SNTG1: variants seen among roughly 807,000 people sequenced by gnomAD.
The protein encoded by SNTG1 is syntrophin gamma 1.
SNTG1 carries 39 observed loss-of-function variants against 74.7 expected under a neutral mutation model. The observed-to-expected ratio is 0.52, with a 90% CI of 0.40 to 0.68. SNTG1 has a LOEUF of 0.68. SNTG1 is among the 30% of genes least tolerant of loss of function. The probability of loss-of-function intolerance (pLI) is 0.00; values close to 1 mark genes in which losing one functional copy is unlikely to be tolerated. For missense variants in SNTG1, 685 were observed against 609.5 expected (o/e 1.12, Z -1.30); for synonymous variants, 254 against 217.1 (o/e 1.17, Z -1.49).
chr8:50,374,594 T>C (rs1476905831), intron 2 of SNTG1, among the ~76,000 whole-genome samples: 1 of 152,200 alleles, frequency 6.6e-6, no homozygotes. Context: ...AGTAATTAGT[T>C]AGCTTGGTGG....
chr8:50,122,343 T>G (rs77589488), intron 1 of SNTG1, among the ~76,000 whole-genome samples: 12,989 of 141,386 alleles, frequency 0.092, 2,421 homozygotes, highest in Middle Eastern at 0.16. Context: ...GGAGAGGGGA[T>G]GCAGCTGGGA....
chr8:50,439,157 G>A (rs971781389), intron 5 of SNTG1, among the ~76,000 whole-genome samples: 1 of 151,902 alleles, frequency 6.6e-6, no homozygotes, highest in Non-Finnish European at 1.5e-5. Flanking sequence ...CCTTTATTTT[G>A]TATATTATTG....
chr8:49,920,095 A>T (rs999263579), intron 1 of SNTG1, among the ~76,000 whole-genome samples: 5 of 152,076 alleles, frequency 3.3e-5, no homozygotes, highest in African/African-American at 1.2e-4. Flanking sequence ...AAATATGTCC[A>T]TTATCTACCT....
chr8:50,601,534 AGCT>A lies in SNTG1; in HGVS notation c.849+10619_849+10621del, dbSNP rs375235259. 4.4e-4 allele frequency among the ~76,000 whole-genome samples: 67 copies of A among 152,284 alleles called. No homozygotes were observed. In the East Asian group the frequency reaches 0.012, roughly 26 times the overall value. On this transcript the variant is annotated intron_variant, in intron 13 of 18. Transcript: ENST00000642720. ...TCAGTATTTTCAGACATGTTTTGTT[AGCT>A]GACATATGGTATCTCCTTTAGAATA...
chr8:50,367,157 A>G (rs1268612108), intron 2 of SNTG1, among the ~76,000 whole-genome samples: 3 of 151,824 alleles, frequency 2.0e-5, no homozygotes, highest in South Asian at 2.1e-4. Context: ...CATTTATATA[A>G]TAGAGTGTTG....
chr8:50,231,997 AT>A (rs1471004101), intron 2 of SNTG1, among the ~76,000 whole-genome samples: 3 of 151,414 alleles, frequency 2.0e-5, no homozygotes, highest in Admixed American at 1.3e-4. Context: ...ACTATAATTT[AT>A]CAAAATATTA....
chr8:50,752,824 A>G (rs2095571060), intron 18 of SNTG1, among the ~76,000 whole-genome samples: 1 of 151,966 alleles, frequency 6.6e-6, no homozygotes, highest in South Asian at 2.1e-4. Context: ...CTATGTTTAG[A>G]TTAGACACTC....
chr8:50,258,002 A>G (rs945404842), intron 2 of SNTG1, among the ~76,000 whole-genome samples: 2 of 152,238 alleles, frequency 1.3e-5, no homozygotes, highest in African/African-American at 4.8e-5. Flanking sequence ...AGCCACATCC[A>G]TTACTTTGTC....
At position 50,707,378 on chromosome 8, in the gene SNTG1, C is replaced by A. The variant is rs193221712; in HGVS notation, c.1192-1508C>A. Among the ~76,000 whole-genome samples, 564 of 152,046 alleles carry A rather than the reference C, an allele frequency of 3.7e-3. 1 individual carries two copies. Among genetic ancestry groups the A allele is most frequent in the Non-Finnish European group, 7.0e-3 (474 of 67,940 alleles). On this transcript the variant is annotated intron_variant, in intron 16 of 18. Coordinates refer to ENST00000642720, the MANE Select transcript of SNTG1 (RefSeq NM_018967.5). ...GTGCTAATAGGTGGATGTAAGCATGCACAATGCTTATGTATTAAACAAATA... is the reference window on the plus strand; with the variant it reads ...GTGCTAATAGGTGGATGTAAGCATGAACAATGCTTATGTATTAAACAAATA...
At position 50,793,032 on chromosome 8, in the gene SNTG1, A is replaced by G. The variant is rs560752587; in HGVS notation, c.*203A>G. The G allele has an allele frequency of 5.1e-4, 215 of 421,998 alleles. 3 individuals are homozygous for G. The highest frequency in any genetic ancestry group is 4.9e-5 in the Non-Finnish European group (12 of 244,724). The allele number at this position is 421,998 out of a possible 1,614,324, so 26.1% of individuals were successfully genotyped here. On this transcript the variant is annotated 3_prime_UTR_variant, in exon 19 of 19. Transcript: ENST00000642720. ...CTGTGAAATATACTACATGAACAGA[A>G]CAGCTTGTTCTCACTCAGTTGCTTT...
chr8:50,781,057 T>A (rs2095657909), intron 18 of SNTG1, among the ~76,000 whole-genome samples: 2 of 152,358 alleles, frequency 1.3e-5, no homozygotes, highest in South Asian at 4.1e-4. Context: ...GATTGCACTG[T>A]GGTCTGAGAG....
intron 2 of SNTG1, among the ~76,000 whole-genome samples, chr8:50,294,203 T>G (rs1320811632): frequency 6.6e-6 from 1 of 152,154 alleles, no homozygotes; most frequent in Non-Finnish European, 1.5e-5. Flanking sequence ...ATTAAGTAAT[T>G]CCTAAAACTG....
At chr8:50,586,656 C>A (rs2094650338) in intron 12 of SNTG1, among the ~76,000 whole-genome samples, 1 of 143,286 alleles carries the variant, frequency 7.0e-6, no homozygotes, top group South Asian at 2.1e-4. Flanking sequence ...CATTAATACA[C>A]ACACACACAC....
chr8:50,657,050 G>C, intron 14 of SNTG1, 25 bp downstream of exon 14: 1 of 1,370,626 alleles, frequency 7.3e-7, no homozygotes, highest in Non-Finnish European at 9.8e-7. Context: ...GAAATGTATT[G>C]GTCGTTTCCA....
At chr8:50,114,878 A>T (rs1047467434) in intron 1 of SNTG1, among the ~76,000 whole-genome samples, 23 of 152,252 alleles carry the variant, frequency 1.5e-4, no homozygotes, top group Admixed American at 1.4e-3. Flanking sequence ...AAAGAAAAAA[A>T]ATATATGAAC....
intron 1 of SNTG1, among the ~76,000 whole-genome samples, chr8:49,975,665 G>C (rs2130038775): frequency 6.6e-6 from 1 of 152,004 alleles, no homozygotes; most frequent in East Asian, 1.9e-4. Flanking sequence ...ATCATAGGTA[G>C]TCCACAAGAA....
chr8:50,231,472 G>A (rs2085620503), intron 2 of SNTG1, among the ~76,000 whole-genome samples: 1 of 151,298 alleles, frequency 6.6e-6, no homozygotes, highest in African/African-American at 2.4e-5. Context: ...CCAAGTGATT[G>A]AATAAACCTA....
intron 18 of SNTG1, among the ~76,000 whole-genome samples, chr8:50,767,979 T>C (rs1169752804): frequency 1.3e-5 from 2 of 152,044 alleles, no homozygotes; most frequent in East Asian, 3.9e-4. Context: ...TCTAAACTAC[T>C]GAGTTTGAGA....
intron 4 of SNTG1, among the ~76,000 whole-genome samples, chr8:50,431,328 A>G (rs9650166): frequency 0.86 from 130,141 of 152,140 alleles, 55,780 homozygotes; most frequent in Non-Finnish European, 0.89. Flanking sequence ...TATTGATAAC[A>G]TGGGAGGCTA....
Sources: allele counts gnomAD v4.1 joint callset (sites outside exome capture counted in the v4.1 genomes callset), GRCh38; gene constraint gnomAD v4.1.1; transcripts MANE v1.5; gene names NCBI Gene and HGNC (gene_info 2026-07-23, HGNC 2026-07-21).